Variants in ABI3 observed in about 807,000 individuals in gnomAD.
The protein encoded by ABI3 is ABI family member 3, also known as ABI gene family member 3.
ABI3 carries 24 observed loss-of-function variants against 37.0 expected under a neutral mutation model. The ratio of observed to expected loss-of-function variants is 0.65; its 90% CI spans 0.47 to 0.91. ABI3 has a LOEUF of 0.91. ABI3 is among the 40% of genes least tolerant of loss of function. The pLI, the probability that ABI3 is intolerant of heterozygous loss-of-function variation, is 0.00. For synonymous variants in ABI3, 220 were observed against 211.8 expected, an observed-to-expected ratio of 1.04 and a Z score of -0.34; for missense variants, 481 against 485.1, an observed-to-expected ratio of 0.99 and a Z score of 0.08.
At chr17:49,212,094 G>T (rs182082418) in intron 1 of ABI3, among the ~76,000 whole-genome samples, 1 of 152,238 alleles carries the variant, frequency 6.6e-6, no homozygotes, top group East Asian at 1.9e-4. Context: ...TGGGGCTACA[G>T]GTGCATGCCA....
At chr17:49,212,125 A>C (rs777117751) in intron 1 of ABI3, among the ~76,000 whole-genome samples, 1 of 151,428 alleles carries the variant, frequency 6.6e-6, no homozygotes, top group East Asian at 1.9e-4. Flanking sequence ...CTAATTTTTT[A>C]AATTTTTTTG....
Position 49,220,926 on chromosome 17 carries a change from C to T in ABI3, c.802+600C>T, listed in dbSNP as rs188663140. Among the ~76,000 whole-genome samples, 437 of 151,652 alleles carry T rather than the reference C, an allele frequency of 2.9e-3. 3 individuals carry two copies. Among genetic ancestry groups the T allele is most frequent in the Admixed American group, 0.026 (390 of 15,204 alleles). ...CCTAAGGGCCAGGCGGGGTGGCTCA[C>T]GGCCGTAATCCCGGCACTTTGGGGG... On this transcript the variant is annotated intron_variant, in intron 6 of 7. Transcript: ENST00000225941.
chr17:49,219,821 T>A lies in ABI3; in HGVS notation c.549-37T>A. The stretch of plus-strand genomic sequence containing the variant: ...GACCCCTGCTGGCCAGAAGCCTTCC[T>A]CCTTCCTCCTAATACCCACTCCCTG... On this transcript the variant is annotated intron_variant, in intron 4 of 7. Transcript: ENST00000225941. The surrounding 1 kb of genome is among the most constrained non-coding windows in gnomAD (Gnocchi z 4.3). The A allele has an allele frequency of 6.5e-7, 1 of 1,531,248 alleles. No individual in the cohort carries two copies. The highest frequency in any genetic ancestry group is 8.8e-7 in the Non-Finnish European group (1 of 1,140,602). The allele number at this position is 1,531,248 out of a possible 1,614,324, so 94.9% of individuals were successfully genotyped here.
rs573292621 is a variant in ABI3, at chr17:49,219,197, C to A, written c.463-343C>A. 7.2e-5 allele frequency among the ~76,000 whole-genome samples: 11 copies of A among 152,306 alleles called. No homozygotes were observed. Among genetic ancestry groups the A allele is most frequent in the Non-Finnish European group, 1.5e-4 (10 of 68,018 alleles). ...TCCTCTCCTTTCTCCGCCCCCTCCT[C>A]AGCCCGATCAAAGTTAGGGACCACC... On this transcript the variant is annotated intron_variant, in intron 3 of 7. Coordinates refer to ENST00000225941, the MANE Select transcript of ABI3 (RefSeq NM_016428.3). The surrounding 1 kb of genome is among the most constrained non-coding windows in gnomAD (Gnocchi z 4.3).
Position 49,217,924 on chromosome 17 carries a change from AG to A in ABI3, c.462+13del. On this transcript the variant is annotated intron_variant, in intron 3 of 7. Coordinates refer to ENST00000225941, the MANE Select transcript of ABI3 (RefSeq NM_016428.3). ...TTGGCCATGGGATCAAGGTAGAGAG[AG>A]GGGCCCTCCTCTTTCCCTCCAACCC... The A allele has an allele frequency of 6.6e-7, 1 of 1,515,802 alleles. No homozygotes were observed. The highest frequency in any genetic ancestry group is 1.3e-5 in the South Asian group (1 of 78,476). The allele number at this position is 1,515,802 out of a possible 1,614,324, so 93.9% of individuals were successfully genotyped here.
chr17:49,222,468 A>C (rs1453777353), intron 7 of ABI3, 84 bp from the exon 8 acceptor site: 1 of 1,526,956 alleles, frequency 6.5e-7, no homozygotes, highest in Non-Finnish European at 8.9e-7. Context: ...AGTACTTGAG[A>C]CCGTGCATCC....
At position 49,210,727 on chromosome 17, in the gene ABI3, GGC is replaced by G; in HGVS notation, c.5_6del (p.Ala2GlyfsTer9). On this transcript the variant is annotated frameshift_variant, in exon 1 of 8. Transcript: ENST00000225941. LOFTEE classifies it high-confidence loss of function. The surrounding 1 kb of genome is among the most constrained non-coding windows in gnomAD (Gnocchi z 4.2). ...GAGCCAGACAGAGGCTGGGGGTGAT[GGC>G]GGAGCTACAGCAGCTGCAGGAGTTT... The part of the protein sequence containing the change: M[A>X]ELQQLQEFEI... The G allele has an allele frequency of 6.4e-7, 1 of 1,556,180 alleles. No homozygotes were observed.
intron 2 of ABI3, 47 bp downstream of exon 2, chr17:49,216,745 T>C: frequency 7.2e-7 from 1 of 1,390,314 alleles, no homozygotes; most frequent in Non-Finnish European, 9.4e-7. Context: ...AGGCCTCAAC[T>C]CTTCAGCCCG....
Position 49,210,893 on chromosome 17 carries a change from T to C in ABI3, c.117+52T>C. On this transcript the variant is annotated intron_variant, in intron 1 of 7. Transcript: ENST00000225941. The surrounding 1 kb of genome is among the most constrained non-coding windows in gnomAD (Gnocchi z 4.2). ...ACCCCAGCCCCCGGAGGGGGGACCC[T>C]GAGCCCTGCCCCAAGTGGGGCCCTG... 2 of 1,463,710 alleles carry C rather than the reference T, an allele frequency of 1.4e-6. No individual in the cohort carries two copies. The highest frequency in any genetic ancestry group is 1.9e-6 in the Non-Finnish European group (2 of 1,075,580). The allele number at this position is 1,463,710 out of a possible 1,614,324, so 90.7% of individuals were successfully genotyped here.
intron 7 of ABI3, 59 bp from the exon 8 acceptor site, chr17:49,222,493 G>A (rs1277635318): frequency 5.7e-6 from 9 of 1,580,214 alleles, no homozygotes; most frequent in Non-Finnish European, 7.8e-6. Context: ...GGTGGTGGGG[G>A]GTGAGGGGGA....
At position 49,222,810 on chromosome 17, in the gene ABI3, G is replaced by T. The variant is rs1415298173; in HGVS notation, c.*95G>T. 4 of 1,372,618 alleles carry T rather than the reference G, an allele frequency of 2.9e-6. No homozygotes were observed. The highest frequency in any genetic ancestry group is 3.9e-6 in the Non-Finnish European group (4 of 1,016,190). 85.0% of individuals were successfully genotyped at this position (1,372,618 alleles called of 1,614,324 possible). ...CTCCAGTCACAGCTGGACTGGGTCT[G>T]CCCACCTCTTGGGCTGTGAGCTGTG... On this transcript the variant is annotated 3_prime_UTR_variant, in exon 8 of 8. Coordinates refer to ENST00000225941, the MANE Select transcript of ABI3 (RefSeq NM_016428.3).
In ABI3 at chr17:49,219,747, C is replaced by A; in HGVS notation, c.549-111C>A. 1 of 1,411,552 alleles carries A rather than the reference C, an allele frequency of 7.1e-7. No homozygotes were observed. Among genetic ancestry groups the A allele is most frequent in the Non-Finnish European group, 9.7e-7 (1 of 1,031,608 alleles). 87.4% of individuals were successfully genotyped at this position (1,411,552 alleles called of 1,614,324 possible). A position where few individuals can be genotyped will look rare whatever the true frequency, so the allele number is the denominator to read the frequency against. On this transcript the variant is annotated intron_variant, in intron 4 of 7. Transcript: ENST00000225941. The surrounding 1 kb of genome is among the most constrained non-coding windows in gnomAD (Gnocchi z 4.3). The stretch of plus-strand genomic sequence containing the variant: ...GGTGCTCAGGCCGTCATGCTGGATG[C>A]CTGGCGCCAAACCTCCCCCTCGGCC...
chr17:49,217,249 G>T (rs1248327409), intron 2 of ABI3, among the ~76,000 whole-genome samples: 1 of 152,244 alleles, frequency 6.6e-6, no homozygotes, highest in South Asian at 2.1e-4. Flanking sequence ...TTCAGTGGGT[G>T]GGGTGTGTCT....
chr17:49,222,924 A>G lies in ABI3; in HGVS notation c.*209A>G. 1.6e-6 allele frequency: 1 copy of G among 627,710 alleles called. No homozygotes were observed. The highest frequency in any genetic ancestry group is 2.7e-6 in the Non-Finnish European group (1 of 368,576). The allele number at this position is 627,710 out of a possible 1,614,324, so 38.9% of individuals were successfully genotyped here. On this transcript the variant is annotated 3_prime_UTR_variant, in exon 8 of 8. Transcript: ENST00000225941. ...TGCTGCAGATGGGGAAGAGCTGGAA[A>G]CCAAGAAGTTTGTCAACAGAGGACC...
At chr17:49,213,806 G>A (rs530666365) in intron 1 of ABI3, among the ~76,000 whole-genome samples, 1 of 152,330 alleles carries the variant, frequency 6.6e-6, no homozygotes, top group South Asian at 2.1e-4. Flanking sequence ...AGGCAGGCAA[G>A]CTAAGAAATC....
chr17:49,213,377 C>T (rs919867555), intron 1 of ABI3, among the ~76,000 whole-genome samples: 13 of 152,196 alleles, frequency 8.5e-5, no homozygotes, highest in Admixed American at 3.9e-4. Context: ...CTTTCCTGGC[C>T]TTTCTGAGGA....
chr17:49,221,181 A>C (rs2043283048), intron 6 of ABI3, among the ~76,000 whole-genome samples: 1 of 150,522 alleles, frequency 6.6e-6, no homozygotes, highest in African/African-American at 2.5e-5. Flanking sequence ...TCAAAAAAAT[A>C]AAATAAAGGC....
intron 1 of ABI3, among the ~76,000 whole-genome samples, chr17:49,215,830 A>G (rs1598240348): frequency 6.7e-6 from 1 of 148,218 alleles, no homozygotes; most frequent in East Asian, 2.2e-4. Context: ...TCGGCTGGGC[A>G]CGGTGGCTCA....
chr17:49,218,770 A>ATT (rs71144583), intron 3 of ABI3, among the ~76,000 whole-genome samples: 4,258 of 131,732 alleles, frequency 0.032, 101 homozygotes, highest in South Asian at 0.074. Context: ...TGCCCGGCTA[A>ATT]TTTTTTTTTT....
Sources: gnomAD v4.1 joint callset for allele counts (sites outside exome capture counted in the v4.1 genomes callset) on GRCh38, gnomAD v4.1.1 for gene constraint, Gnocchi (gnomAD v3.1) non-coding constraint, MANE v1.5 for transcripts, NCBI Gene and HGNC (gene_info 2026-07-23, HGNC 2026-07-21) for gene names.